ZFAT: variants seen among roughly 807,000 people sequenced by gnomAD.
The protein encoded by ZFAT is zinc finger and AT-hook domain containing.
ZFAT carries 64 observed loss-of-function variants against 117.7 expected under a neutral mutation model. That is an observed-to-expected ratio of 0.54 (90% CI 0.44 to 0.67). The LOEUF (loss-of-function observed/expected upper bound fraction) is 0.67. ZFAT is among the 30% of genes least tolerant of loss of function. The probability of loss-of-function intolerance (pLI) is 0.00; values close to 1 mark genes in which losing one functional copy is unlikely to be tolerated. For missense variants in ZFAT, 1,433 were observed against 1,584.5 expected (o/e 0.90, Z 1.62); for synonymous variants, 679 against 615.0 (o/e 1.10, Z -1.54).
the ZFAT span, chr8:134,792,825 T>C: frequency 2.0e-5 from 3 of 152,234 alleles, no homozygotes; most frequent in Admixed American, 2.0e-4. Context: ...CTTTTTATAG[T>C]GCCATTATGT....
the ZFAT span, among the ~76,000 whole-genome samples, chr8:134,726,160 C>A: frequency 1.3e-5 from 2 of 151,952 alleles, no homozygotes; most frequent in Non-Finnish European, 2.9e-5. Context: ...GGAAAGAATT[C>A]ATCTGAGGAA....
the ZFAT span, among the ~76,000 whole-genome samples, chr8:134,814,979 ATG>A: frequency 3.9e-3 from 599 of 152,386 alleles, 4 homozygotes; most frequent in African/African-American, 0.014. Flanking sequence ...TGTTTAAATA[ATG>A]TGAATCACTT....
In ZFAT at chr8:134,590,371, A is replaced by G; in HGVS notation, c.2476-16T>C. On this transcript the variant is annotated splice_polypyrimidine_tract_variant and intron_variant, in intron 7 of 15. Coordinates refer to ENST00000377838, the MANE Select transcript of ZFAT (RefSeq NM_020863.4). ...TCCTTTTGTCCTTAATAGAAAGAGA[A>G]CATAATCAGTTGACTTTCTCATTTA... 1 of 1,587,494 alleles carries G rather than the reference A, an allele frequency of 6.3e-7. No individual in the cohort carries two copies. The highest frequency in any genetic ancestry group is 8.6e-7 in the Non-Finnish European group (1 of 1,160,316).
At chr8:134,795,740 T>C in the ZFAT span, 1 of 152,220 alleles carries the variant, frequency 6.6e-6, no homozygotes, top group African/African-American at 2.4e-5. Flanking sequence ...TTTTAATCTC[T>C]GGTTAATAAA....
the ZFAT span, among the ~76,000 whole-genome samples, chr8:134,828,025 C>T: frequency 6.6e-6 from 1 of 152,116 alleles, no homozygotes; most frequent in African/African-American, 2.4e-5. Flanking sequence ...AGTATACTCA[C>T]CTTTTTTACA....
At position 134,511,907 on chromosome 8, in the gene ZFAT, C is replaced by G. The variant is rs75050127; in HGVS notation, c.3361+568G>C. Among the ~76,000 whole-genome samples, 491 of 152,184 alleles carry G rather than the reference C, an allele frequency of 3.2e-3. 3 individuals are homozygous for G. Among genetic ancestry groups the G allele is most frequent in the African/African-American group, 0.011 (448 of 41,518 alleles). The stretch of plus-strand genomic sequence containing the variant: ...TGGTCTTTCAGGTCTGCAAAGTGAC[C>G]CCCTGCACGCCAGAGTCTCTGCTAC... On this transcript the variant is annotated intron_variant, in intron 14 of 15. Coordinates refer to ENST00000377838, the MANE Select transcript of ZFAT (RefSeq NM_020863.4).
At chr8:134,717,439 A>G (rs991131780), upstream of ZFAT, among the ~76,000 whole-genome samples, 14 of 138,030 alleles carry the variant, frequency 1.0e-4, no homozygotes, top group Admixed American at 1.6e-4. Flanking sequence ...AGAGATGACA[A>G]AGAAATTGGT....
At chr8:134,607,499 G>A (rs1046851733) in intron 5 of ZFAT, among the ~76,000 whole-genome samples, 9 of 152,320 alleles carry the variant, frequency 5.9e-5, no homozygotes, top group Admixed American at 1.3e-4. Flanking sequence ...GCAAAGTAAC[G>A]TGTGTCAAGT....
chr8:134,598,007 C>G (rs1340871108), intron 7 of ZFAT: 2 of 152,326 alleles, frequency 1.3e-5, no homozygotes, highest in East Asian at 3.8e-4. Context: ...TCAGCACAAT[C>G]CCTGCCCTCA....
intron 15 of ZFAT, among the ~76,000 whole-genome samples, chr8:134,499,682 G>T (rs888661536): frequency 6.6e-6 from 1 of 152,250 alleles, no homozygotes; most frequent in South Asian, 2.1e-4. Context: ...GAGGGGTGCG[G>T]TGGAGCCAGC....
At chr8:134,540,596 C>A (rs763616336) in intron 11 of ZFAT, among the ~76,000 whole-genome samples, 2 of 152,202 alleles carry the variant, frequency 1.3e-5, no homozygotes, top group South Asian at 2.1e-4. Flanking sequence ...AAAAGTCCCA[C>A]CTACACCACC....
Position 134,601,650 on chromosome 8 carries a change from C to T in ZFAT, c.2069G>A (p.Gly690Asp). ...CTGATGTGTGATGGTGTCCCCACCA[C>T]CAGCTACTGGAGGGAGGAGGTCTGA... ...EASDLLPPVA[G>D]GGDTITHQPD... Residue 690 changes from glycine to aspartate, a missense_variant, in exon 6 of 16, where the codon GGT (glycine) becomes GAT (aspartate). Physicochemically the swap from Gly to Asp is moderately conservative, Grantham distance 94. Transcript: ENST00000377838. The T allele has an allele frequency of 6.2e-7, 1 of 1,614,184 alleles. No individual in the cohort carries two copies. The highest frequency in any genetic ancestry group is 8.5e-7 in the Non-Finnish European group (1 of 1,180,038).
the ZFAT span, among the ~76,000 whole-genome samples, chr8:134,742,140 T>C: frequency 6.6e-6 from 1 of 150,572 alleles, no homozygotes; most frequent in South Asian, 2.1e-4. Flanking sequence ...GCTTCATTTA[T>C]TTATTGCTGT....
intron 15 of ZFAT, among the ~76,000 whole-genome samples, chr8:134,479,170 T>C (rs2129985794): frequency 6.6e-6 from 1 of 152,354 alleles, no homozygotes; most frequent in East Asian, 1.9e-4. Flanking sequence ...TCCTGGGCTC[T>C]CTGTGTTTCC....
At chr8:134,603,589 T>C (rs1827674103) in intron 5 of ZFAT, among the ~76,000 whole-genome samples, 1 of 152,250 alleles carries the variant, frequency 6.6e-6, no homozygotes, top group Admixed American at 6.5e-5. Context: ...CCCTGGCCTT[T>C]CTTCACATCC....
intron 1 of ZFAT, among the ~76,000 whole-genome samples, chr8:134,667,492 C>CAAAA (rs34820180): frequency 1.6e-5 from 1 of 64,218 alleles, no homozygotes; most frequent in Admixed American, 1.8e-4. Context: ...GACTAAGTCT[C>CAAAA]AAAAAAAAAA....
At position 134,478,542 on chromosome 8, in the gene ZFAT, C is replaced by T. The variant is rs776579220; in HGVS notation, c.3672G>A (p.Val1224=). Residue 1224 remains valine, a synonymous_variant, in exon 16 of 16, where the codon GTG becomes GTA. Coordinates refer to ENST00000377838, the MANE Select transcript of ZFAT (RefSeq NM_020863.4). The surrounding 1 kb of genome is among the most constrained non-coding windows in gnomAD (Gnocchi z 5.2). ...GGEASEFIVY[V]QEAMQPVEEQ... is the part of the protein sequence containing the mutation. ...CCTCCACAGGCTGCATGGCCTCCTG[C>T]ACGTAGACGATGAACTCCGAGGCCT... 5.0e-6 allele frequency: 8 copies of T among 1,593,428 alleles called. No individual in the cohort carries two copies. In the East Asian group the frequency reaches 6.9e-5, roughly 14 times the overall value.
intron 1 of ZFAT, among the ~76,000 whole-genome samples, chr8:134,686,604 T>C (rs1203379037): frequency 6.6e-6 from 1 of 152,124 alleles, no homozygotes; most frequent in African/African-American, 2.4e-5. Flanking sequence ...ACAACATAGA[T>C]CGGAACACTA....
intron 2 of ZFAT, among the ~76,000 whole-genome samples, chr8:134,653,270 T>TTAAAA (rs1554615159): frequency 0.027 from 2,519 of 91,686 alleles, 137 homozygotes; most frequent in Middle Eastern, 0.092. Context: ...ATGTCTTTTT[T>TTAAAA]AAAAAAAAAA....
Sources: allele counts gnomAD v4.1 joint callset (sites outside exome capture counted in the v4.1 genomes callset), GRCh38; gene constraint gnomAD v4.1.1; non-coding constraint Gnocchi (gnomAD v3.1); transcripts MANE v1.5; gene names NCBI Gene and HGNC (gene_info 2026-07-23, HGNC 2026-07-21).